ATP8B4: variants seen among roughly 807,000 people sequenced by gnomAD.
The protein encoded by ATP8B4 is ATPase phospholipid transporting 8B4 (putative), also known as probable phospholipid-transporting ATPase IM.
A neutral mutation model predicts 145.6 loss-of-function variants in ATP8B4; 133 were observed. The observed-to-expected ratio is 0.91, with a 90% CI of 0.79 to 1.05. The LOEUF is 1.05. Among genes scored for constraint, ATP8B4 ranks in the 50% least tolerant of loss-of-function variants. ATP8B4 has a pLI of 0.00. For missense variants in ATP8B4, 1,458 were observed against 1,425.2 expected, an observed-to-expected ratio of 1.02 and a Z score of -0.37; for synonymous variants, 507 against 492.9, an observed-to-expected ratio of 1.03 and a Z score of -0.38.
intron 3 of ATP8B4, among the ~76,000 whole-genome samples, chr15:50,050,563 G>C (rs2153612020): frequency 6.6e-6 from 1 of 151,322 alleles, no homozygotes; most frequent in Admixed American, 6.6e-5. Flanking sequence ...TGTGTCATCA[G>C]AAAATTTCAA....
At chr15:49,939,774 G>T (rs531906315) in intron 14 of ATP8B4, among the ~76,000 whole-genome samples, 1 of 152,140 alleles carries the variant, frequency 6.6e-6, no homozygotes, top group African/African-American at 2.4e-5. Flanking sequence ...TTCCCTGATA[G>T]AAAATATGCC....
chr15:49,949,362 T>C (rs2042862657), intron 14 of ATP8B4, among the ~76,000 whole-genome samples: 1 of 152,150 alleles, frequency 6.6e-6, no homozygotes. Context: ...GGTTTGTAGT[T>C]CTCCTTGAAG....
chr15:50,107,668 C>A (rs1376696067), intron 1 of ATP8B4, among the ~76,000 whole-genome samples: 6 of 152,104 alleles, frequency 3.9e-5, no homozygotes, highest in Non-Finnish European at 7.4e-5. Flanking sequence ...AATAAATGCA[C>A]CTTTGCAAAC....
chr15:50,012,435 G>C (rs935213520), intron 6 of ATP8B4, among the ~76,000 whole-genome samples: 5 of 152,144 alleles, frequency 3.3e-5, no homozygotes, highest in African/African-American at 1.2e-4. Context: ...CTTCCAACTT[G>C]TATAGCACAA....
At chr15:49,944,048 A>G (rs2042374997) in intron 14 of ATP8B4, among the ~76,000 whole-genome samples, 1 of 151,918 alleles carries the variant, frequency 6.6e-6, no homozygotes, top group African/African-American at 2.4e-5. Flanking sequence ...CAAGGCAAAC[A>G]GAAAAAGTAC....
At chr15:50,116,927 G>A (rs971172067) in intron 1 of ATP8B4, among the ~76,000 whole-genome samples, 10 of 152,026 alleles carry the variant, frequency 6.6e-5, no homozygotes, top group African/African-American at 9.7e-5. Flanking sequence ...AATGTTGCTA[G>A]GAGGTTACTA....
intron 2 of ATP8B4, among the ~76,000 whole-genome samples, chr15:50,098,291 T>C (rs2056120485): frequency 8.5e-6 from 1 of 117,610 alleles, no homozygotes; most frequent in African/African-American, 3.8e-5. Flanking sequence ...TTTTTTTTTT[T>C]TTTTTTTTTT....
intron 2 of ATP8B4, among the ~76,000 whole-genome samples, chr15:50,082,634 T>C (rs562956228): frequency 6.6e-5 from 10 of 152,312 alleles, no homozygotes; most frequent in African/African-American, 1.9e-4. Flanking sequence ...ATGAACTGGA[T>C]TATACAAATT....
intron 14 of ATP8B4, among the ~76,000 whole-genome samples, chr15:49,953,303 C>G (rs7176332): frequency 0.14 from 20,793 of 152,066 alleles, 1,772 homozygotes; most frequent in East Asian, 0.34. Context: ...CTCAGAACAA[C>G]CAGGAGGAGA....
chr15:49,955,923 TA>T (rs946298470), intron 14 of ATP8B4, among the ~76,000 whole-genome samples: 2 of 151,948 alleles, frequency 1.3e-5, no homozygotes, highest in Non-Finnish European at 2.9e-5. Context: ...CATGCAACAT[TA>T]AAAAAAATTC....
intron 1 of ATP8B4, among the ~76,000 whole-genome samples, chr15:50,135,359 T>C (rs1567401670): frequency 6.6e-6 from 1 of 152,322 alleles, no homozygotes; most frequent in East Asian, 1.9e-4. Flanking sequence ...TCTCAATCTT[T>C]AACCACTCCA....
chr15:50,026,254 G>C (rs2049997629), intron 6 of ATP8B4, among the ~76,000 whole-genome samples: 1 of 152,194 alleles, frequency 6.6e-6, no homozygotes, highest in African/African-American at 2.4e-5. Flanking sequence ...AAGCTGAAGA[G>C]GATCACAGAG....
intron 2 of ATP8B4, among the ~76,000 whole-genome samples, chr15:50,078,760 G>GA (rs1454286960): frequency 3.4e-5 from 5 of 149,064 alleles, no homozygotes; most frequent in Admixed American, 2.0e-4. Context: ...ACTTCCAAAA[G>GA]AAAAAAAAAT....
intron 23 of ATP8B4, among the ~76,000 whole-genome samples, chr15:49,885,307 A>C (rs1449136977): frequency 6.6e-6 from 1 of 152,224 alleles, no homozygotes; most frequent in African/African-American, 2.4e-5. Context: ...CTGAACACTC[A>C]GGTCACAACT....
At chr15:50,142,908 T>C (rs148846523) in intron 1 of ATP8B4, among the ~76,000 whole-genome samples, 17 of 152,220 alleles carry the variant, frequency 1.1e-4, no homozygotes, top group African/African-American at 4.1e-4. Context: ...CTGTTTCTAC[T>C]ATCCTCCCTT....
At chr15:50,017,991 CTTTTT>C (rs35825862) in intron 6 of ATP8B4, among the ~76,000 whole-genome samples, 5,578 of 140,302 alleles carry the variant, frequency 0.04, 370 homozygotes, top group African/African-American at 0.14. Flanking sequence ...CTTTTTTTTT[CTTTTT>C]TTTTTTTTTG....
chr15:50,088,985 TAC>T (rs2055409378), intron 2 of ATP8B4, among the ~76,000 whole-genome samples: 2 of 152,240 alleles, frequency 1.3e-5, no homozygotes, highest in Non-Finnish European at 2.9e-5. Context: ...TTTGTACCAG[TAC>T]CATGCTGTTT....
intron 23 of ATP8B4, among the ~76,000 whole-genome samples, chr15:49,888,403 T>C (rs1378868363): frequency 1.3e-5 from 2 of 151,246 alleles, no homozygotes; most frequent in Non-Finnish European, 3.0e-5. Context: ...ACAAGATAAT[T>C]GCTTCCATAT....
chr15:49,996,043 C>T (rs74379364), intron 9 of ATP8B4, among the ~76,000 whole-genome samples: 9,817 of 151,806 alleles, frequency 0.065, 481 homozygotes, highest in African/African-American at 0.13. Context: ...CAGAATAGAA[C>T]GAGATATAGG....
Sources: gnomAD v4.1 joint callset for allele counts (sites outside exome capture counted in the v4.1 genomes callset) on GRCh38, gnomAD v4.1.1 for gene constraint, MANE v1.5 for transcripts, NCBI Gene and HGNC (gene_info 2026-07-23, HGNC 2026-07-21) for gene names.